The following INSL6 variants were observed in gnomAD, a reference collection of about 807,000 sequenced individuals.
INSL6 encodes the protein insulin like 6, also known as insulin-like peptide INSL6.
In INSL6, 16 loss-of-function variants were observed where a neutral mutation model predicts 9.4. The ratio of observed to expected loss-of-function variants is 1.70; its 90% CI spans 1.15 to 2.59. INSL6 has a LOEUF of 2.59. INSL6 is among the 30% of genes most tolerant of loss of function. The pLI is 0.00. For missense variants in INSL6, 391 were observed against 257.3 expected (o/e 1.52, Z -3.56); for synonymous variants, 154 against 96.9 (o/e 1.59, Z -3.46).
intron 2 of INSL6, among the ~76,000 whole-genome samples, chr9:5,152,099 T>C (rs1824724274): frequency 6.6e-6 from 1 of 151,824 alleles, no homozygotes; most frequent in African/African-American, 2.4e-5. Flanking sequence ...ATGAAAAAAA[T>C]ATAAATGACC....
the INSL6 span, among the ~76,000 whole-genome samples, chr9:5,113,162 C>G: frequency 7.3e-6 from 1 of 137,830 alleles, no homozygotes; most frequent in Non-Finnish European, 1.5e-5. Flanking sequence ...GAAACTGCAT[C>G]TTGGCCCTGT....
chr9:5,173,224 C>T (rs547137670), intron 1 of INSL6, among the ~76,000 whole-genome samples: 34 of 152,216 alleles, frequency 2.2e-4, no homozygotes, highest in Non-Finnish European at 5.0e-4. Context: ...CCTCAAAGAT[C>T]TAGAACCAGA....
At chr9:5,171,093 T>C (rs1466467239) in intron 1 of INSL6, among the ~76,000 whole-genome samples, 2 of 152,144 alleles carry the variant, frequency 1.3e-5, no homozygotes, top group Admixed American at 6.5e-5. Context: ...CTCAATAAAA[T>C]ACTGGCAAAC....
chr9:5,004,057 T>C, the INSL6 span, among the ~76,000 whole-genome samples: 1 of 152,150 alleles, frequency 6.6e-6, no homozygotes, highest in East Asian at 1.9e-4. Context: ...CAACATGACA[T>C]TTTGTTATAT....
At chr9:5,023,131 C>T in the INSL6 span, among the ~76,000 whole-genome samples, 4 of 152,196 alleles carry the variant, frequency 2.6e-5, no homozygotes. Context: ...ATTTTTGTGC[C>T]CATTAACCAA....
chr9:5,114,248 C>T, the INSL6 span: 1 of 535,926 alleles, frequency 1.9e-6, no homozygotes, highest in Non-Finnish European at 3.7e-6. Flanking sequence ...TGCCCACAAT[C>T]ACCTGTCTGG....
chr9:5,037,052 A>T, the INSL6 span, among the ~76,000 whole-genome samples: 4 of 152,254 alleles, frequency 2.6e-5, no homozygotes, highest in Non-Finnish European at 5.9e-5. Flanking sequence ...GGCGAAGGAT[A>T]CGAACAGACA....
chr9:5,081,492 ACTT>A, the INSL6 span, among the ~76,000 whole-genome samples: 3 of 152,110 alleles, frequency 2.0e-5, no homozygotes, highest in Non-Finnish European at 4.4e-5. Context: ...GAATACTAAA[ACTT>A]CTTATTTTGG....
At chr9:5,132,079 A>C (rs1380312085) in intron 3 of INSL6, 1 of 152,208 alleles carries the variant, frequency 6.6e-6, no homozygotes, top group East Asian at 1.9e-4. Context: ...TTGTTGACAA[A>C]GAAACTTGAA....
the INSL6 span, among the ~76,000 whole-genome samples, chr9:5,046,694 A>G: frequency 6.6e-6 from 1 of 152,168 alleles, no homozygotes; most frequent in Non-Finnish European, 1.5e-5. Context: ...GTTGAAAATC[A>G]TTTGACCACC....
chr9:5,160,726 C>A (rs1586869010), downstream of INSL6, among the ~76,000 whole-genome samples: 1 of 151,950 alleles, frequency 6.6e-6, no homozygotes, highest in African/African-American at 2.4e-5. Context: ...TGACAAGACA[C>A]AAATAAATAA....
the INSL6 span, chr9:5,101,034 CA>C: frequency 6.6e-6 from 1 of 152,232 alleles, no homozygotes; most frequent in Non-Finnish European, 1.5e-5. Context: ...ACTGGTTGGA[CA>C]GGGGGTGCAG....
At chr9:5,049,855 G>A in the INSL6 span, among the ~76,000 whole-genome samples, 6 of 152,256 alleles carry the variant, frequency 3.9e-5, no homozygotes, top group South Asian at 4.1e-4. Context: ...TATATAGCAT[G>A]TTGCTGTACT....
chr9:5,126,278 A>G (rs1443699714), intron 3 of INSL6: 14 of 1,288,764 alleles, frequency 1.1e-5, no homozygotes, highest in Non-Finnish European at 1.3e-5. Context: ...AAATTGAGAA[A>G]GAATTTTGCT....
the INSL6 span, among the ~76,000 whole-genome samples, chr9:5,065,579 C>T: frequency 6.6e-6 from 1 of 152,086 alleles, no homozygotes. Flanking sequence ...CTAATGCAAC[C>T]GAGGAACTGA....
At chr9:5,082,151 GGAC>G in the INSL6 span, among the ~76,000 whole-genome samples, 1 of 152,126 alleles carries the variant, frequency 6.6e-6, no homozygotes, top group Non-Finnish European at 1.5e-5. Context: ...TGGGCCCAGG[GGAC>G]CAGTGCTCAG....
intron 3 of INSL6, chr9:5,126,656 T>G: frequency 3.3e-6 from 5 of 1,498,766 alleles, no homozygotes; most frequent in Non-Finnish European, 4.6e-6. Flanking sequence ...AGTGTTCATT[T>G]AATTTTGGTT....
intron 1 of INSL6, among the ~76,000 whole-genome samples, chr9:5,170,916 G>C (rs1339576722): frequency 6.6e-6 from 1 of 152,154 alleles, no homozygotes; most frequent in Non-Finnish European, 1.5e-5. Context: ...AAAGTACAAA[G>C]AGGAGCTGAT....
the INSL6 span, among the ~76,000 whole-genome samples, chr9:5,071,702 C>A: frequency 1.3e-5 from 2 of 152,082 alleles, no homozygotes; most frequent in Non-Finnish European, 2.9e-5. Flanking sequence ...CATATCTGAG[C>A]TCTATAAGGA....
Sources: gnomAD v4.1 joint callset for allele counts (sites outside exome capture counted in the v4.1 genomes callset) on GRCh38, gnomAD v4.1.1 for gene constraint, MANE v1.5 for transcripts, NCBI Gene and HGNC (gene_info 2026-07-23, HGNC 2026-07-21) for gene names.